POLR2G: variants seen among roughly 807,000 people sequenced by gnomAD.
POLR2G encodes DNA-directed RNA polymerase II subunit RPB7.
A neutral mutation model predicts 25.7 loss-of-function variants in POLR2G; 19 were observed. That is an observed-to-expected ratio of 0.74 (90% CI 0.52 to 1.08). The LOEUF (loss-of-function observed/expected upper bound fraction) is 1.08, where lower values mean the gene tolerates loss of function less well. Among genes scored for constraint, POLR2G ranks in the 50% least tolerant of loss-of-function variants. The pLI, the probability that POLR2G is intolerant of heterozygous loss-of-function variation, is 0.00. For synonymous variants in POLR2G, 79 were observed against 76.0 expected (o/e 1.04, Z -0.21); for missense variants, 123 against 218.5 (o/e 0.56, Z 2.76).
chr11:62,765,228 G>C lies in POLR2G; in HGVS notation c.329G>C (p.Arg110Pro). Reference sequence around the variant, plus strand: ...GGGCCCATGTCTTGCTTCATCTCTCGACATGTAAGTCTGGGCACACTGGGT... The same window carrying C: ...GGGCCCATGTCTTGCTTCATCTCTCCACATGTAAGTCTGGGCACACTGGGT... ...EIGPMSCFISRHSIPSEMEFD... is the reference protein window; with the variant it reads ...EIGPMSCFISPHSIPSEMEFD... Residue 110 changes from arginine to proline, a missense_variant, in exon 4 of 8, where the codon CGA becomes CCA. By Grantham distance (103) the Arg-to-Pro change is moderately radical. Transcript: ENST00000301788. 6.2e-7 allele frequency: 1 copy of C among 1,613,828 alleles called. No individual in the cohort carries two copies. Among genetic ancestry groups the C allele is most frequent in the Non-Finnish European group, 8.5e-7 (1 of 1,179,840 alleles).
At position 62,765,434 on chromosome 11, in the gene POLR2G, C is replaced by T. The variant is rs747488841; in HGVS notation, c.399+29C>T. 9.5e-6 allele frequency: 15 copies of T among 1,577,240 alleles called. No individual in the cohort carries two copies. In the African/African-American group the frequency reaches 1.9e-4, roughly 20 times the overall value. ...AGTGGACAGAAAGAAGTCAGGGAGA[C>T]AAGGAGAGAATCAGCCATCCTGAGG... On this transcript the variant is annotated intron_variant, in intron 5 of 7. Coordinates refer to ENST00000301788, the MANE Select transcript of POLR2G (RefSeq NM_002696.3).
chr11:62,765,497 C>A, intron 5 of POLR2G, 92 bp downstream of exon 5: 1 of 1,148,036 alleles, frequency 8.7e-7, no homozygotes, highest in Non-Finnish European at 1.3e-6. Flanking sequence ...TACAGATGGT[C>A]CCCGAATTAC....
At chr11:62,764,013 A>G (rs1396834570) in intron 3 of POLR2G, among the ~76,000 whole-genome samples, 3 of 151,376 alleles carry the variant, frequency 2.0e-5, no homozygotes, top group Admixed American at 6.6e-5. Context: ...AAGTGCTGGG[A>G]TTATAGGCGT....
chr11:62,763,278 C>A (rs1215913326), intron 3 of POLR2G, among the ~76,000 whole-genome samples: 1 of 149,294 alleles, frequency 6.7e-6, no homozygotes, highest in African/African-American at 2.5e-5. Context: ...ACTAAAGGCA[C>A]GTGCCACCAT....
intron 3 of POLR2G, among the ~76,000 whole-genome samples, chr11:62,764,114 G>C (rs1042972866): frequency 2.0e-5 from 3 of 152,126 alleles, no homozygotes; most frequent in Non-Finnish European, 4.4e-5. Flanking sequence ...TGGCCAACAG[G>C]TGTTCAAATC....
Position 62,765,390 on chromosome 11 carries a change from C to G in POLR2G, c.384C>G (p.Tyr128Ter). The G allele has an allele frequency of 2.0e-5, 32 of 1,612,456 alleles. No homozygotes were observed. The highest frequency in any genetic ancestry group is 2.7e-5 in the Non-Finnish European group (32 of 1,178,636). The change falls in exon 5 of 8, where the codon TAC becomes TAG. Residue 128 changes from tyrosine to a stop codon, truncating the protein, a stop_gained. Coordinates refer to ENST00000301788, the MANE Select transcript of POLR2G (RefSeq NM_002696.3). LOFTEE classifies it high-confidence loss of function. ...EFDPNSNPPC[Y>*]KTMDEDIVIQ... is the part of the protein sequence containing the mutation. ...ATCCTAACTCCAACCCACCATGTTA[C>G]AAGACAATGGATGAGGTGAGTGGAC...
chr11:62,765,393 G>A lies in POLR2G; in HGVS notation c.387G>A (p.Lys129=). ...CTAACTCCAACCCACCATGTTACAAGACAATGGATGAGGTGAGTGGACAGA... is the reference window on the plus strand; with the variant it reads ...CTAACTCCAACCCACCATGTTACAAAACAATGGATGAGGTGAGTGGACAGA... ...FDPNSNPPCY[K]TMDEDIVIQQ... is the part of the protein sequence containing the mutation. The change falls in exon 5 of 8, where the codon AAG becomes AAA. Residue 129 remains lysine (K), a synonymous_variant. Transcript: ENST00000301788. The A allele has an allele frequency of 6.2e-7, 1 of 1,612,188 alleles. No homozygotes were observed. Among genetic ancestry groups the A allele is most frequent in the Non-Finnish European group, 8.5e-7 (1 of 1,178,392 alleles).
chr11:62,766,129 T>G, intron 6 of POLR2G, 114 bp from the exon 7 acceptor site: 1 of 919,978 alleles, frequency 1.1e-6, no homozygotes, highest in Non-Finnish European at 1.8e-6. Context: ...CAGGGGGTTC[T>G]GTGCTCTTCT....
At chr11:62,765,577 G>T in intron 5 of POLR2G, 76 bp from the exon 6 acceptor site, 3 of 1,159,614 alleles carry the variant, frequency 2.6e-6, no homozygotes, top group Non-Finnish European at 3.9e-6. Context: ...ATGCCCCCGG[G>T]CTTACAGTGA....
intron 2 of POLR2G, chr11:62,762,453 C>T (rs2084093470): frequency 3.0e-6 from 1 of 337,730 alleles, no homozygotes; most frequent in African/African-American, 2.1e-5. Context: ...GAGCTGGGAC[C>T]CAGCTCAGGG....
Position 62,761,803 on chromosome 11 carries a change from A to G in POLR2G, c.21A>G (p.Leu7=). 1.2e-6 allele frequency: 2 copies of G among 1,613,990 alleles called. No individual in the cohort carries two copies. Among genetic ancestry groups the G allele is most frequent in the Non-Finnish European group, 1.7e-6 (2 of 1,179,914 alleles). The change falls in exon 2 of 8, where the codon CTA becomes CTG. Residue 7 remains leucine, a synonymous_variant. Transcript: ENST00000301788. ...CCCACTTTTCTCCGCAGATCTCCCT[A>G]GAGCACGAAATCCTGCTGCACCCGC... is the stretch of plus-strand genomic sequence containing the variant. MFYHIS[L]EHEILLHPRY...
At position 62,765,363 on chromosome 11, in the gene POLR2G, T is replaced by C. The variant is rs755243935; in HGVS notation, c.357T>C (p.Phe119=). 6.2e-7 allele frequency: 1 copy of C among 1,613,070 alleles called. No homozygotes were observed. The highest frequency in any genetic ancestry group is 1.1e-5 in the South Asian group (1 of 91,056). The change falls in exon 5 of 8, where the codon TTT becomes TTC. Residue 119 remains phenylalanine (F), a synonymous_variant. Transcript: ENST00000301788. Reference sequence around the variant, plus strand: ...AGTCCATCCCTTCAGAGATGGAGTTTGATCCTAACTCCAACCCACCATGTT... The same window carrying C: ...AGTCCATCCCTTCAGAGATGGAGTTCGATCCTAACTCCAACCCACCATGTT... ...SRHSIPSEME[F]DPNSNPPCYK...
At chr11:62,763,970 G>T (rs1003446597) in intron 3 of POLR2G, among the ~76,000 whole-genome samples, 1 of 150,554 alleles carries the variant, frequency 6.6e-6, no homozygotes, top group African/African-American at 2.4e-5. Flanking sequence ...TCGAACTCCC[G>T]ACCTCAGGTG....
rs538584820 is a variant in POLR2G, at chr11:62,763,828, C to T, written c.282+802C>T. Among the ~76,000 whole-genome samples the T allele has an allele frequency of 7.9e-4, 120 of 151,400 alleles. 1 individual carries two copies. Among genetic ancestry groups the T allele is most frequent in the African/African-American group, 2.5e-3 (105 of 41,242 alleles). On this transcript the variant is annotated intron_variant, in intron 3 of 7. Transcript: ENST00000301788. ...CGCAATCTCGGCTCGCTGCAACCTC[C>T]GCCTCTGGGTTCAAGCGATTCCCCT...
rs762952704 is a variant in POLR2G, at chr11:62,761,786, T to C, written c.13-9T>C. Reference sequence around the variant, plus strand: ...CCTGGCCTGGTCGCCATCCCACTTTTCTCCGCAGATCTCCCTAGAGCACGA... The same window carrying C: ...CCTGGCCTGGTCGCCATCCCACTTTCCTCCGCAGATCTCCCTAGAGCACGA... On this transcript the variant is annotated splice_polypyrimidine_tract_variant and intron_variant, in intron 1 of 7. Transcript: ENST00000301788. 65 of 1,613,488 alleles carry C rather than the reference T, an allele frequency of 4.0e-5. No individual in the cohort carries two copies. In the East Asian group the frequency reaches 1.4e-3, roughly 36 times the overall value.
intron 3 of POLR2G, 50 bp downstream of exon 3, chr11:62,763,076 G>T (rs566029598): frequency 7.4e-7 from 1 of 1,344,588 alleles, no homozygotes; most frequent in African/African-American, 1.5e-5. Context: ...GGAAGATCTG[G>T]GTTGGGTTCT....
chr11:62,763,843 G>A (rs2084101640), intron 3 of POLR2G, among the ~76,000 whole-genome samples: 2 of 150,958 alleles, frequency 1.3e-5, no homozygotes. Context: ...CTGGGTTCAA[G>A]CGATTCCCCT....
rs543614159 is a variant in POLR2G at position 62,763,387 on chromosome 11, C to T, written c.282+361C>T. On this transcript the variant is annotated intron_variant, in intron 3 of 7. Coordinates refer to ENST00000301788, the MANE Select transcript of POLR2G (RefSeq NM_002696.3). ...TCCACTCACTGCAAGCTCCGCCTCC[C>T]GGGTTCACACCATTCTCCTGCCTCA... Among the ~76,000 whole-genome samples the T allele has an allele frequency of 7.3e-5, 11 of 151,678 alleles. No homozygotes were observed. In the South Asian group the frequency reaches 1.3e-3, roughly 17 times the overall value.
Position 62,762,964 on chromosome 11 carries a change from G to T in POLR2G, c.220G>T (p.Ala74Ser), listed in dbSNP as rs753524885. 3.1e-6 allele frequency: 5 copies of T among 1,611,638 alleles called. No homozygotes were observed. In the African/African-American group the frequency reaches 5.3e-5, roughly 17 times the overall value. Reference sequence around the variant, plus strand: ...TGTCCTTTATCCAGTTAAGTACAAGGCCATTGTTTTCCGGCCATTTAAAGG... The same window carrying T: ...TGTCCTTTATCCAGTTAAGTACAAGTCCATTGTTTTCCGGCCATTTAAAGG... Reference protein sequence around the residue: ...GFVLYPVKYKAIVFRPFKGEV... With the variant: ...GFVLYPVKYKSIVFRPFKGEV... The change falls in exon 3 of 8, where the codon GCC (alanine) becomes TCC (serine). Residue 74 changes from alanine to serine, a missense_variant. Transcript: ENST00000301788.
Sources: gnomAD v4.1 joint callset for allele counts (sites outside exome capture counted in the v4.1 genomes callset) on GRCh38, gnomAD v4.1.1 for gene constraint, MANE v1.5 for transcripts, NCBI Gene and HGNC (gene_info 2026-07-23, HGNC 2026-07-21) for gene names.